The following FOXP2 variants were observed in gnomAD, a reference collection of about 807,000 sequenced individuals.
The protein encoded by FOXP2 is forkhead box P2.
Under a neutral mutation model 115.8 loss-of-function variants are expected in FOXP2, and 12 were observed. That is an observed-to-expected ratio of 0.10 (90% CI 0.07 to 0.17). The LOEUF is 0.17. Ranked by LOEUF, FOXP2 falls within the 10% of genes least tolerant of loss-of-function variation. The pLI is 1.00. For synonymous variants in FOXP2, 328 were observed against 297.7 expected, an observed-to-expected ratio of 1.10 and a Z score of -1.05; for missense variants, 629 against 843.5, an observed-to-expected ratio of 0.75 and a Z score of 3.15.
At chr7:114,181,458 C>G (rs771693521) in intron 1 of FOXP2, among the ~76,000 whole-genome samples, 1 of 151,882 alleles carries the variant, frequency 6.6e-6, no homozygotes, top group Non-Finnish European at 1.5e-5. Flanking sequence ...AGTACCCCTT[C>G]CTTATATGGT....
At chr7:114,577,705 G>A (rs931473317) in intron 3 of FOXP2, among the ~76,000 whole-genome samples, 8 of 151,792 alleles carry the variant, frequency 5.3e-5, no homozygotes, top group African/African-American at 1.9e-4. Flanking sequence ...CTCCTCTTCA[G>A]ATACAGAATT....
At chr7:114,536,198 A>C (rs1165050496) in intron 3 of FOXP2, among the ~76,000 whole-genome samples, 1 of 151,534 alleles carries the variant, frequency 6.6e-6, no homozygotes. Context: ...ACATAAGCAA[A>C]AGATAGGAAT....
intron 3 of FOXP2, among the ~76,000 whole-genome samples, chr7:114,602,982 C>T (rs1050602409): frequency 2.0e-5 from 3 of 152,056 alleles, no homozygotes; most frequent in Admixed American, 6.6e-5. Context: ...AACACAAAAA[C>T]GTTATGTTGA....
At chr7:114,310,627 G>C (rs971604632) in intron 2 of FOXP2, among the ~76,000 whole-genome samples, 6 of 151,950 alleles carry the variant, frequency 3.9e-5, no homozygotes, top group African/African-American at 1.5e-4. Context: ...TGAAGCTGTG[G>C]TTTTCCTTTC....
At chr7:114,518,273 T>A (rs1798440999) in intron 2 of FOXP2, among the ~76,000 whole-genome samples, 1 of 152,128 alleles carries the variant, frequency 6.6e-6, no homozygotes, top group Non-Finnish European at 1.5e-5. Flanking sequence ...CCGCACAGTA[T>A]TTGTAAGTAA....
intron 2 of FOXP2, among the ~76,000 whole-genome samples, chr7:114,443,464 G>T (rs989380425): frequency 9.9e-5 from 15 of 151,992 alleles, no homozygotes; most frequent in African/African-American, 3.6e-4. Flanking sequence ...ACATGTGCAG[G>T]TTTGTTATAT....
chr7:114,423,325 A>G (rs1489787225), intron 1 of FOXP2, among the ~76,000 whole-genome samples: 1 of 151,686 alleles, frequency 6.6e-6, no homozygotes, highest in African/African-American at 2.4e-5. Flanking sequence ...ATGTTTCAAA[A>G]GGGAAGTGGT....
intron 2 of FOXP2, among the ~76,000 whole-genome samples, chr7:114,338,006 T>A (rs576466207): frequency 6.6e-6 from 1 of 151,348 alleles, no homozygotes; most frequent in East Asian, 1.9e-4. Context: ...CTCAAATATT[T>A]TAAGGACTTC....
intron 1 of FOXP2, among the ~76,000 whole-genome samples, chr7:114,260,883 A>G: frequency 6.7e-6 from 1 of 150,094 alleles, no homozygotes; most frequent in East Asian, 1.9e-4. Context: ...CGAACACATG[A>G]AAAAAGAAAT....
intron 2 of FOXP2, among the ~76,000 whole-genome samples, chr7:114,293,896 GTTT>G (rs1226825917): frequency 6.6e-6 from 1 of 152,006 alleles, no homozygotes; most frequent in African/African-American, 2.4e-5. Flanking sequence ...ATAATAAATG[GTTT>G]TGTTCTAAAC....
At chr7:114,173,605 ATT>A (rs1049654991) in intron 1 of FOXP2, among the ~76,000 whole-genome samples, 3 of 146,198 alleles carry the variant, frequency 2.1e-5, no homozygotes, top group Admixed American at 6.9e-5. Flanking sequence ...TATTGCATTT[ATT>A]TTTTTTTTTG....
chr7:114,584,390 T>G (rs952906562), intron 3 of FOXP2, among the ~76,000 whole-genome samples: 2 of 152,190 alleles, frequency 1.3e-5, no homozygotes, highest in African/African-American at 4.8e-5. Context: ...CAAAAAGGAT[T>G]TGACAGTTAA....
At chr7:114,551,613 A>T (rs1800210923) in intron 3 of FOXP2, among the ~76,000 whole-genome samples, 1 of 152,214 alleles carries the variant, frequency 6.6e-6, no homozygotes, top group South Asian at 2.1e-4. Context: ...TATGAAAACA[A>T]GTCTGAGGTA....
chr7:114,235,096 G>A (rs570765902), intron 1 of FOXP2, among the ~76,000 whole-genome samples: 1 of 151,252 alleles, frequency 6.6e-6, no homozygotes, highest in East Asian at 1.9e-4. Context: ...TCATTGCTAT[G>A]TCTCATGGTC....
chr7:114,491,132 A>C (rs1347483801), intron 2 of FOXP2, among the ~76,000 whole-genome samples: 1 of 152,004 alleles, frequency 6.6e-6, no homozygotes, highest in African/African-American at 2.4e-5. Flanking sequence ...ACAGTGTAAC[A>C]GTGTTCCTAT....
chr7:114,384,282 C>T (rs955136185), intron 2 of FOXP2, among the ~76,000 whole-genome samples: 2 of 152,174 alleles, frequency 1.3e-5, no homozygotes, highest in African/African-American at 2.4e-5. Flanking sequence ...TATTTCATAA[C>T]AACCCAGCTG....
chr7:114,529,480 C>A (rs1799034208), intron 2 of FOXP2, among the ~76,000 whole-genome samples: 1 of 151,740 alleles, frequency 6.6e-6, no homozygotes, highest in Non-Finnish European at 1.5e-5. Flanking sequence ...TATTAAAGTA[C>A]TCTTATTATA....
intron 6 of FOXP2, 122 bp downstream of exon 6, chr7:114,631,827 G>C (rs549862926): frequency 4.0e-6 from 4 of 990,238 alleles, no homozygotes; most frequent in East Asian, 5.1e-5. Context: ...TTATTAAAAC[G>C]TGATTGTTAA....
chr7:114,287,951 G>T, intron 1 of FOXP2: 1 of 391,720 alleles, frequency 2.6e-6, no homozygotes, highest in African/African-American at 2.1e-5. Context: ...TGAAGTCACT[G>T]CACTAATTGT....
Sources: allele counts gnomAD v4.1 joint callset (sites outside exome capture counted in the v4.1 genomes callset), GRCh38; gene constraint gnomAD v4.1.1; transcripts MANE v1.5; gene names NCBI Gene and HGNC (gene_info 2026-07-23, HGNC 2026-07-21).